Variants in NAA15 observed in about 807,000 individuals in gnomAD.
NAA15 encodes the protein N-terminal acetyltransferase.
A neutral mutation model predicts 114.0 loss-of-function variants in NAA15; 34 were observed. That is an observed-to-expected ratio of 0.30 (90% CI 0.23 to 0.40). The LOEUF is 0.40. Ranked by LOEUF, NAA15 falls within the 10% of genes least tolerant of loss-of-function variation. The pLI, the probability that NAA15 is intolerant of heterozygous loss-of-function variation, is 1.00. For missense variants in NAA15, 658 were observed against 1,004.5 expected (o/e 0.66, Z 4.66); for synonymous variants, 340 against 338.0 (o/e 1.01, Z -0.06).
chr4:139,382,727 G>C (rs1239207943), intron 17 of NAA15, among the ~76,000 whole-genome samples: 1 of 152,174 alleles, frequency 6.6e-6, no homozygotes, highest in South Asian at 2.1e-4. Context: ...TACAGCCATA[G>C]TAGAGGTTAA....
At chr4:139,385,300 A>ATT (rs397699538) in intron 18 of NAA15, among the ~76,000 whole-genome samples, 13 of 90,182 alleles carry the variant, frequency 1.4e-4, no homozygotes, top group Non-Finnish European at 2.9e-4. Flanking sequence ...ATATATATAT[A>ATT]ATATATATTA....
intron 1 of NAA15, among the ~76,000 whole-genome samples, chr4:139,303,407 CAT>C (rs1417021375): frequency 6.6e-6 from 1 of 152,176 alleles, no homozygotes; most frequent in African/African-American, 2.4e-5. Context: ...AAGGAACACT[CAT>C]AAACCTTTAC....
intron 2 of NAA15, among the ~76,000 whole-genome samples, chr4:139,334,917 T>C (rs535974417): frequency 3.3e-5 from 5 of 152,340 alleles, no homozygotes; most frequent in South Asian, 4.1e-4. Flanking sequence ...TCCTTGCCTT[T>C]TTTTTGGCCT....
chr4:139,329,257 A>T (rs777780269), intron 1 of NAA15, among the ~76,000 whole-genome samples: 15 of 151,824 alleles, frequency 9.9e-5, no homozygotes, highest in Admixed American at 3.9e-4. Context: ...TCATTTGTTT[A>T]TCCATTGCTT....
At chr4:139,344,373 T>C (rs1309429376) in intron 6 of NAA15, 34 bp downstream of exon 6, 2 of 1,564,676 alleles carry the variant, frequency 1.3e-6, no homozygotes, top group Non-Finnish European at 1.7e-6. Flanking sequence ...TATTCTAATA[T>C]TGAAATATGA....
At chr4:139,378,902 G>T in intron 17 of NAA15, 48 bp downstream of exon 17, 1 of 1,171,952 alleles carries the variant, frequency 8.5e-7, no homozygotes. Flanking sequence ...AGTGGTTGAT[G>T]GTGACGGTAT....
chr4:139,315,054 A>AG (rs1560953043), intron 1 of NAA15, among the ~76,000 whole-genome samples: 2,585 of 116,312 alleles, frequency 0.022, 130 homozygotes, highest in East Asian at 0.03. Flanking sequence ...AGGTTAGGTT[A>AG]GTTTAGTTTA....
At chr4:139,334,062 G>T in intron 1 of NAA15, 112 bp from the exon 2 acceptor site, 1 of 667,468 alleles carries the variant, frequency 1.5e-6, no homozygotes, top group South Asian at 1.9e-5. Context: ...AGATTTAGAA[G>T]CATATGGAAA....
chr4:139,368,180 T>C (rs905516300), intron 14 of NAA15, among the ~76,000 whole-genome samples: 3 of 152,220 alleles, frequency 2.0e-5, no homozygotes, highest in Admixed American at 6.5e-5. Context: ...ACATAGCAGC[T>C]TTAAATAGCA....
rs1417515132 is a variant in NAA15 at position 139,301,566 on chromosome 4, G to A, written c.-212G>A. On this transcript the variant is annotated 5_prime_UTR_variant, in exon 1 of 20. Transcript: ENST00000296543. The stretch of plus-strand genomic sequence containing the variant: ...CCGCCGACGGAGACCCGTAGTGGGG[G>A]AGGCGGCGGCAGCGTTAAGTGAGAA... The A allele has an allele frequency of 1.0e-5, 6 of 591,084 alleles. No individual in the cohort carries two copies. The highest frequency in any genetic ancestry group is 4.6e-4 in the Middle Eastern group (1 of 2,192). 36.6% of individuals were successfully genotyped at this position (591,084 alleles called of 1,614,324 possible).
chr4:139,358,203 T>G (rs922028209), intron 11 of NAA15, among the ~76,000 whole-genome samples: 2 of 151,392 alleles, frequency 1.3e-5, no homozygotes, highest in Non-Finnish European at 2.9e-5. Context: ...TTTTTTTTTT[T>G]TGAGAGAGAG....
rs1361673630 is a variant in NAA15, at chr4:139,301,716, C to T, written c.-62C>T. 6.6e-7 allele frequency: 1 copy of T among 1,516,146 alleles called. No homozygotes were observed. 93.9% of individuals were successfully genotyped at this position (1,516,146 alleles called of 1,614,324 possible). ...AGCAGCTACGGAACGGCAGCGGCGGCGGTCGGACAAACTGACTGACCGAGC... is the reference window on the plus strand; with the variant it reads ...AGCAGCTACGGAACGGCAGCGGCGGTGGTCGGACAAACTGACTGACCGAGC... On this transcript the variant is annotated 5_prime_UTR_variant, in exon 1 of 20. Coordinates refer to ENST00000296543, the MANE Select transcript of NAA15 (RefSeq NM_057175.5).
At chr4:139,337,624 A>C (rs1468881508) in intron 3 of NAA15, among the ~76,000 whole-genome samples, 3 of 152,210 alleles carry the variant, frequency 2.0e-5, no homozygotes, top group Admixed American at 6.5e-5. Flanking sequence ...ATAGAGAAAA[A>C]ATTGTGGGTT....
chr4:139,360,614 C>T lies in NAA15; in HGVS notation c.1525C>T (p.His509Tyr). The T allele has an allele frequency of 6.2e-7, 1 of 1,606,262 alleles. No homozygotes were observed. Among genetic ancestry groups the T allele is most frequent in the Non-Finnish European group, 8.5e-7 (1 of 1,176,364 alleles). Residue 509 changes from histidine (H) to tyrosine (Y), a missense_variant, in exon 13 of 20, where the codon CAT becomes TAT. By Grantham distance (83) the His-to-Tyr change is moderately conservative (BLOSUM62 2). Around this residue, in one of 6 missense-constraint regions of NAA15, gnomAD observed 281 missense variants for 389.1 expected, o/e 0.72. Coordinates refer to ENST00000296543, the MANE Select transcript of NAA15 (RefSeq NM_057175.5). The part of the protein sequence containing the change: ...NKFGEALKKC[H>Y]EIERHFIEIT... ...ATTTGGTGAAGCACTTAAGAAATGTCATGAGATTGAGAGAGTAAGTACCTT... is the reference window on the plus strand; with the variant it reads ...ATTTGGTGAAGCACTTAAGAAATGTTATGAGATTGAGAGAGTAAGTACCTT...
At chr4:139,385,968 A>C (rs1053076182) in intron 18 of NAA15, among the ~76,000 whole-genome samples, 165 bp from the exon 19 acceptor site, 2 of 152,198 alleles carry the variant, frequency 1.3e-5, no homozygotes, top group African/African-American at 2.4e-5. Flanking sequence ...TCCCCTTAGC[A>C]TTATTATTTT....
At chr4:139,385,981 G>T in intron 18 of NAA15, 152 bp from the exon 19 acceptor site, 2 of 479,550 alleles carry the variant, frequency 4.2e-6, no homozygotes, top group Non-Finnish European at 7.4e-6. Context: ...ATTATTTTTT[G>T]AATAACAGTA....
At chr4:139,347,135 A>T (rs1311555290) in intron 6 of NAA15, among the ~76,000 whole-genome samples, 1 of 151,752 alleles carries the variant, frequency 6.6e-6, no homozygotes. Context: ...AGGCTTTGTT[A>T]ACCTTGGCGC....
intron 1 of NAA15, among the ~76,000 whole-genome samples, chr4:139,312,436 C>T (rs1260337938): frequency 6.6e-6 from 1 of 151,878 alleles, no homozygotes; most frequent in African/African-American, 2.4e-5. Context: ...ACTTTAAGAA[C>T]ACTAGTCTAA....
intron 1 of NAA15, chr4:139,302,209 CG>C (rs2110804064): frequency 4.5e-6 from 1 of 221,226 alleles, no homozygotes; most frequent in South Asian, 1.3e-4. Context: ...GCTGGCAGGT[CG>C]GGGTGGCACC....
Sources: allele counts gnomAD v4.1 joint callset (sites outside exome capture counted in the v4.1 genomes callset), GRCh38; gene constraint gnomAD v4.1.1; regional missense constraint gnomAD v4.1.1; transcripts MANE v1.5; gene names NCBI Gene and HGNC (gene_info 2026-07-23, HGNC 2026-07-21).